ERC1: variants seen among roughly 807,000 people sequenced by gnomAD.
ERC1 encodes RAB6 interacting protein 2.
ERC1 carries 56 observed loss-of-function variants against 132.0 expected under a neutral mutation model. That is an observed-to-expected ratio of 0.42 (90% CI 0.34 to 0.53). ERC1 has a LOEUF of 0.53. Ranked by LOEUF, ERC1 falls within the 20% of genes least tolerant of loss-of-function variation. The pLI, the probability that ERC1 is intolerant of heterozygous loss-of-function variation, is 0.03. For missense variants in ERC1, 1,202 were observed against 1,349.9 expected (o/e 0.89, Z 1.72); for synonymous variants, 478 against 476.1 (o/e 1.00, Z -0.05).
intron 12 of ERC1, among the ~76,000 whole-genome samples, chr12:1,208,957 A>ATTTTTTTTTTTT (rs538961813): frequency 1.4e-5 from 1 of 71,610 alleles, no homozygotes; most frequent in African/African-American, 6.3e-5. Flanking sequence ...CGCCCAGCTG[A>ATTTTTTTTTTTT]TTTTTTTTTT....
chr12:1,179,835 G>A (rs1165014630), intron 8 of ERC1, among the ~76,000 whole-genome samples: 1 of 151,330 alleles, frequency 6.6e-6, no homozygotes, highest in Admixed American at 6.6e-5. Flanking sequence ...ATAGTGTCTG[G>A]CATGTAATAC....
At chr12:1,006,210 G>A (rs1963555880) in intron 1 of ERC1, among the ~76,000 whole-genome samples, 1 of 150,880 alleles carries the variant, frequency 6.6e-6, no homozygotes, top group African/African-American at 2.4e-5. Context: ...ACCCGCCTCG[G>A]CCTCCCAAAG....
chr12:1,138,832 T>G (rs1348405524), intron 7 of ERC1, among the ~76,000 whole-genome samples: 1 of 152,102 alleles, frequency 6.6e-6, no homozygotes, highest in Non-Finnish European at 1.5e-5. Context: ...TGTGATCCTG[T>G]GGGTTAGGGT....
intron 2 of ERC1, 90 bp from the exon 3 acceptor site, chr12:1,083,074 T>C: frequency 9.2e-7 from 1 of 1,084,654 alleles, no homozygotes; most frequent in South Asian, 1.6e-5. Flanking sequence ...GCAGATTTCT[T>C]GTAGCTATTT....
chr12:1,336,374 A>T (rs2083313076), intron 15 of ERC1, among the ~76,000 whole-genome samples: 1 of 152,042 alleles, frequency 6.6e-6, no homozygotes, highest in South Asian at 2.1e-4. Flanking sequence ...TAACTCTTTG[A>T]TGTGGACATT....
chr12:1,011,372 T>G (rs1473017266), intron 1 of ERC1, among the ~76,000 whole-genome samples: 1 of 151,974 alleles, frequency 6.6e-6, no homozygotes, highest in Non-Finnish European at 1.5e-5. Flanking sequence ...CCCGGCTAAT[T>G]AAAAAAATTT....
intron 12 of ERC1, among the ~76,000 whole-genome samples, chr12:1,196,970 ATATATATT>A (rs1956371639): frequency 1.6e-5 from 1 of 60,690 alleles, no homozygotes; most frequent in Non-Finnish European, 3.0e-5. Context: ...ACATATATAT[ATATATATT>A]TTTTTTTTTT....
At chr12:1,325,649 A>G (rs2082396359) in intron 15 of ERC1, among the ~76,000 whole-genome samples, 1 of 152,156 alleles carries the variant, frequency 6.6e-6, no homozygotes, top group Non-Finnish European at 1.5e-5. Context: ...TTCAAATTAG[A>G]TATTTCAGAT....
At chr12:1,385,321 C>G (rs997196890) in intron 16 of ERC1, among the ~76,000 whole-genome samples, 7 of 151,962 alleles carry the variant, frequency 4.6e-5, no homozygotes, top group Non-Finnish European at 7.4e-5. Flanking sequence ...CTCGCTCTGT[C>G]GCCCAGGCTG....
At chr12:1,264,444 CTT>C (rs1369751931) in intron 14 of ERC1, among the ~76,000 whole-genome samples, 1 of 152,036 alleles carries the variant, frequency 6.6e-6, no homozygotes, top group African/African-American at 2.4e-5. Flanking sequence ...GGGCGGATCA[CTT>C]GAGGTCAGGA....
intron 14 of ERC1, among the ~76,000 whole-genome samples, chr12:1,268,672 A>G (rs942476843): frequency 6.6e-6 from 1 of 152,224 alleles, no homozygotes; most frequent in Admixed American, 6.5e-5. Flanking sequence ...AGGCTGAGGC[A>G]GGAGAATGGC....
chr12:1,455,936 C>T (rs577065133), intron 18 of ERC1, among the ~76,000 whole-genome samples: 14 of 152,218 alleles, frequency 9.2e-5, no homozygotes, highest in African/African-American at 2.4e-4. Flanking sequence ...TGGGAAAGTT[C>T]GATATCCACA....
At chr12:1,481,952 A>G (rs1410878297) in intron 18 of ERC1, among the ~76,000 whole-genome samples, 2 of 152,286 alleles carry the variant, frequency 1.3e-5, no homozygotes, top group East Asian at 3.9e-4. Flanking sequence ...AATCCTGCCC[A>G]TAAAATGATT....
chr12:1,269,894 G>A (rs1381531183), intron 14 of ERC1, among the ~76,000 whole-genome samples: 1 of 152,102 alleles, frequency 6.6e-6, no homozygotes, highest in Non-Finnish European at 1.5e-5. Flanking sequence ...TTCCTCAGAG[G>A]TGAAAAAACT....
chr12:1,169,323 C>T lies in ERC1; in HGVS notation c.1738-11217C>T, dbSNP rs1593912403. On this transcript the variant is annotated intron_variant, in intron 8 of 18. Transcript: ENST00000360905. ...GAGATTGTCTTAGCTAAAGACACCA[C>T]CTTGCCCGAGGGCAAGCCCCCTCCC... Among the ~76,000 whole-genome samples, 6 of 152,286 alleles carry T rather than the reference C, an allele frequency of 3.9e-5. No homozygotes were observed. In the Middle Eastern group the frequency reaches 0.017, roughly 432 times the overall value.
chr12:1,285,882 A>G (rs2079011167), intron 14 of ERC1, among the ~76,000 whole-genome samples: 1 of 152,240 alleles, frequency 6.6e-6, no homozygotes, highest in South Asian at 2.1e-4. Context: ...GAACATGTAG[A>G]AAAATTCCTA....
chr12:1,063,474 C>G (rs1938457352), intron 2 of ERC1, among the ~76,000 whole-genome samples: 2 of 152,094 alleles, frequency 1.3e-5, no homozygotes, highest in Non-Finnish European at 2.9e-5. Context: ...TTTGGCTAGG[C>G]TGGTCTCGAA....
intron 2 of ERC1, among the ~76,000 whole-genome samples, chr12:1,052,688 G>A (rs942654601): frequency 3.9e-5 from 6 of 152,186 alleles, no homozygotes; most frequent in Admixed American, 1.3e-4. Context: ...TGAAATTGTC[G>A]GACAGGCGCG....
chr12:1,150,990 A>G (rs1270214931), intron 8 of ERC1, among the ~76,000 whole-genome samples: 1 of 152,250 alleles, frequency 6.6e-6, no homozygotes, highest in African/African-American at 2.4e-5. Flanking sequence ...AATGTGTCAT[A>G]CTAATGTAAG....
Sources: gnomAD v4.1 joint callset for allele counts (sites outside exome capture counted in the v4.1 genomes callset) on GRCh38, gnomAD v4.1.1 for gene constraint, MANE v1.5 for transcripts, NCBI Gene and HGNC (gene_info 2026-07-23, HGNC 2026-07-21) for gene names.